Variants in MEGF8 observed in about 807,000 individuals in gnomAD.
MEGF8 encodes multiple EGF like domains 8.
A neutral mutation model predicts 302.9 loss-of-function variants in MEGF8; 156 were observed. That is an observed-to-expected ratio of 0.52 (90% CI 0.45 to 0.59). The LOEUF (loss-of-function observed/expected upper bound fraction) is 0.59. MEGF8 is among the 20% of genes least tolerant of loss of function. The probability of loss-of-function intolerance (pLI) is 0.00; values close to 1 mark genes in which losing one functional copy is unlikely to be tolerated. For missense variants in MEGF8, 3,345 were observed against 3,964.5 expected (o/e 0.84, Z 4.20); for synonymous variants, 1,621 against 1,660.5 (o/e 0.98, Z 0.58).
intron 8 of MEGF8, among the ~76,000 whole-genome samples, chr19:42,339,822 G>T (rs542452374): frequency 6.6e-6 from 1 of 152,176 alleles, no homozygotes; most frequent in African/African-American, 2.4e-5. Flanking sequence ...ACTTTAGGAC[G>T]CCATGGCGGG....
At position 42,351,047 on chromosome 19, in the gene MEGF8, C is replaced by T; in HGVS notation, c.2737-169C>T. The stretch of plus-strand genomic sequence containing the variant: ...GACAGTGGGTGCTGGGCGGGCCGAC[C>T]CATGGGTGTCTGTGGTCGAAGGGAG... On this transcript the variant is annotated intron_variant, in intron 15 of 41. Transcript: ENST00000251268. The surrounding 1 kb of genome is among the most constrained non-coding windows in gnomAD (Gnocchi z 5.6). 1 of 646,468 alleles carries T rather than the reference C, an allele frequency of 1.5e-6. No homozygotes were observed. The highest frequency in any genetic ancestry group is 2.7e-6 in the Non-Finnish European group (1 of 367,764). The allele number at this position is 646,468 out of a possible 1,614,324, so 40.0% of individuals were successfully genotyped here. A position where few individuals can be genotyped will look rare whatever the true frequency, so the allele number is the denominator to read the frequency against.
chr19:42,335,886 T>G, intron 5 of MEGF8, 45 bp from the exon 6 acceptor site: 1 of 1,432,170 alleles, frequency 7.0e-7, no homozygotes, highest in Non-Finnish European at 9.1e-7. Context: ...TGGCTCTGGC[T>G]CTCTTGCTGT....
chr19:42,353,467 T>A lies in MEGF8; in HGVS notation c.3553T>A (p.Trp1185Arg). 1 of 1,610,352 alleles carries A rather than the reference T, an allele frequency of 6.2e-7. No individual in the cohort carries two copies. The highest frequency in any genetic ancestry group is 8.5e-7 in the Non-Finnish European group (1 of 1,179,406). ...CCCACCTGCTGGGGCCTCCACAGACTGGACATGGGGGGAGCACTGCGAACG... is the reference window on the plus strand; with the variant it reads ...CCCACCTGCTGGGGCCTCCACAGACAGGACATGGGGGGAGCACTGCGAACG... ...GPGFCDECQD[W>R]TWGEHCERCR... Residue 1185 changes from tryptophan to arginine, a missense_variant and splice_region_variant, in exon 21 of 42, where the codon TGG becomes AGG. Coordinates refer to ENST00000251268, the MANE Select transcript of MEGF8 (RefSeq NM_001271938.2). The surrounding 1 kb of genome is among the most constrained non-coding windows in gnomAD (Gnocchi z 6.1).
In MEGF8 at chr19:42,354,903, G is replaced by A. The variant is rs1265514920; in HGVS notation, c.4144+183G>A. Among the ~76,000 whole-genome samples the A allele has an allele frequency of 6.6e-6, 1 of 152,188 alleles. No homozygotes were observed. The highest frequency in any genetic ancestry group is 1.5e-5 in the Non-Finnish European group (1 of 68,038). The stretch of plus-strand genomic sequence containing the variant: ...AGGAAAATAGGATTGCGCCGGCTGA[G>A]CTACGTCTGCAGAGAGAAGGGCTGA... On this transcript the variant is annotated intron_variant, in intron 23 of 41. Coordinates refer to ENST00000251268, the MANE Select transcript of MEGF8 (RefSeq NM_001271938.2). The surrounding 1 kb of genome is among the most constrained non-coding windows in gnomAD (Gnocchi z 4.3).
chr19:42,356,808 C>T lies in MEGF8; in HGVS notation c.4657C>T (p.Leu1553=), dbSNP rs1165108096. Residue 1553 remains leucine (L), a synonymous_variant, in exon 27 of 42, where the codon CTG becomes TTG. Transcript: ENST00000251268. This position sits in a 1 kb window ranked among gnomAD's most constrained non-coding sequence, Gnocchi z 5.2. ...GAGTGAGCGGCGGTGGACACAGATG[C>T]TGGCGGGAGCCGAGGACGGGGGCCC... is the stretch of plus-strand genomic sequence containing the variant. The part of the protein sequence containing the change: ...SVSERRWTQM[L]AGAEDGGPGP... 1 of 1,555,242 alleles carries T rather than the reference C, an allele frequency of 6.4e-7. No individual in the cohort carries two copies. The highest frequency in any genetic ancestry group is 1.2e-5 in the South Asian group (1 of 84,450).
Position 42,368,679 on chromosome 19 carries a change from C to A in MEGF8, c.6481+17C>A. ...CCCGTGATGGTGAGAGGGCTTTGGG[C>A]ACTGGGGGAGAGGGGCTGGCCCTTG... is the stretch of plus-strand genomic sequence containing the variant. On this transcript the variant is annotated intron_variant, in intron 36 of 41. Transcript: ENST00000251268. This position sits in a 1 kb window ranked among gnomAD's most constrained non-coding sequence, Gnocchi z 4.9. 6.5e-7 allele frequency: 1 copy of A among 1,533,422 alleles called. No homozygotes were observed. The highest frequency in any genetic ancestry group is 8.8e-7 in the Non-Finnish European group (1 of 1,140,760). The allele number at this position is 1,533,422 out of a possible 1,614,324, so 95.0% of individuals were successfully genotyped here. A position where few individuals can be genotyped will look rare whatever the true frequency, so the allele number is the denominator to read the frequency against.
chr19:42,375,989 G>T lies in MEGF8; in HGVS notation c.7752G>T (p.Ser2584=). Residue 2584 remains serine (S), a synonymous_variant, in exon 42 of 42, where the codon TCG becomes TCT. Transcript: ENST00000251268. This position sits in a 1 kb window ranked among gnomAD's most constrained non-coding sequence, Gnocchi z 7.1. Reference sequence around the variant, plus strand: ...CCTACGTGACGGTGACGGAGCCGTCGGCAGTGCTGGTGGTCCGCGGCGTGC... The same window carrying T: ...CCTACGTGACGGTGACGGAGCCGTCTGCAGTGCTGGTGGTCCGCGGCGTGC... ...LITYVTVTEP[S]AVLVVRGVRD... 6.2e-7 allele frequency: 1 copy of T among 1,607,034 alleles called. No individual in the cohort carries two copies.
intron 31 of MEGF8, among the ~76,000 whole-genome samples, chr19:42,360,557 C>A (rs531971543): frequency 1.3e-5 from 2 of 152,124 alleles, no homozygotes; most frequent in African/African-American, 4.8e-5. Context: ...GTTGCCCAGG[C>A]TGGTCTTAAA....
At position 42,351,966 on chromosome 19, in the gene MEGF8, T is replaced by G. The variant is rs2039381152; in HGVS notation, c.3101+205T>G. Among the ~76,000 whole-genome samples, 1 of 152,208 alleles carries G rather than the reference T, an allele frequency of 6.6e-6. No homozygotes were observed. The highest frequency in any genetic ancestry group is 2.1e-4 in the South Asian group (1 of 4,828). On this transcript the variant is annotated intron_variant, in intron 18 of 41. Transcript: ENST00000251268. This position sits in a 1 kb window ranked among gnomAD's most constrained non-coding sequence, Gnocchi z 5.6. Reference sequence around the variant, plus strand: ...CTTTTCCGGCTCTCTGCGATTCGTTTTCTTTCTCCTTGTCTGTTTCTGTCT... The same window carrying G: ...CTTTTCCGGCTCTCTGCGATTCGTTGTCTTTCTCCTTGTCTGTTTCTGTCT...
intron 8 of MEGF8, among the ~76,000 whole-genome samples, chr19:42,342,553 T>A (rs1279945993): frequency 6.6e-6 from 1 of 151,216 alleles, no homozygotes; most frequent in Non-Finnish European, 1.5e-5. Flanking sequence ...AGGAGAATGG[T>A]GTGAACCCGG....
rs1334497705 is a variant in MEGF8, at chr19:42,351,134, G to A, written c.2737-82G>A. On this transcript the variant is annotated intron_variant, in intron 15 of 41. Coordinates refer to ENST00000251268, the MANE Select transcript of MEGF8 (RefSeq NM_001271938.2). This position sits in a 1 kb window ranked among gnomAD's most constrained non-coding sequence, Gnocchi z 5.6. The stretch of plus-strand genomic sequence containing the variant: ...CCTTACAGGGACAGTCTGCAGGGTG[G>A]GGCAGGGGGTGGGATGGGCACTGGG... The A allele has an allele frequency of 8.2e-7, 1 of 1,215,094 alleles. No individual in the cohort carries two copies. The highest frequency in any genetic ancestry group is 2.2e-5 in the Admixed American group (1 of 44,542). 75.3% of individuals were successfully genotyped at this position (1,215,094 alleles called of 1,614,324 possible). A position where few individuals can be genotyped will look rare whatever the true frequency, so the allele number is the denominator to read the frequency against.
intron 15 of MEGF8, among the ~76,000 whole-genome samples, chr19:42,350,738 C>G (rs2039356663): frequency 6.6e-6 from 1 of 152,160 alleles, no homozygotes; most frequent in Non-Finnish European, 1.5e-5. Flanking sequence ...GGTTTGTTTC[C>G]TTGTGAGTGG....
At position 42,357,770 on chromosome 19, in the gene MEGF8, A is replaced by T. The variant is rs2039473501; in HGVS notation, c.5011+186A>T. On this transcript the variant is annotated intron_variant, in intron 28 of 41. Coordinates refer to ENST00000251268, the MANE Select transcript of MEGF8 (RefSeq NM_001271938.2). The surrounding 1 kb of genome is among the most constrained non-coding windows in gnomAD (Gnocchi z 5.2). ...TCTGACTGTCCTTCCCAGACTCCAC[A>T]ACTAACTGCCCACTCCCGGCCACAT... 6.6e-6 allele frequency among the ~76,000 whole-genome samples: 1 copy of T among 151,968 alleles called. No individual in the cohort carries two copies. The highest frequency in any genetic ancestry group is 2.1e-4 in the South Asian group (1 of 4,806).
chr19:42,371,000 G>T (rs912319592), intron 40 of MEGF8, among the ~76,000 whole-genome samples, 169 bp downstream of exon 40: 2 of 151,564 alleles, frequency 1.3e-5, no homozygotes, highest in Non-Finnish European at 2.9e-5. Flanking sequence ...GGGTAGGGAA[G>T]GAGCTGGAAT....
intron 12 of MEGF8, among the ~76,000 whole-genome samples, chr19:42,345,355 A>G (rs1345102240): frequency 2.6e-5 from 4 of 152,218 alleles, no homozygotes; most frequent in Non-Finnish European, 4.4e-5. Context: ...CACATTTACA[A>G]TATTGTGCAA....
chr19:42,353,872 C>A lies in MEGF8; in HGVS notation c.3859C>A (p.Pro1287Thr). 1 of 1,600,868 alleles carries A rather than the reference C, an allele frequency of 6.2e-7. No individual in the cohort carries two copies. The change falls in exon 22 of 42, where the codon CCT becomes ACT. Residue 1287 changes from proline (P) to threonine (T), a missense_variant. Physicochemically the swap from Pro to Thr is conservative, Grantham distance 38. Transcript: ENST00000251268. The surrounding 1 kb of genome is among the most constrained non-coding windows in gnomAD (Gnocchi z 6.1). The stretch of plus-strand genomic sequence containing the variant: ...CTCACGCCGGGTCGGGGGGCTGCTG[C>A]CTCCAGGTGGCGGGGCTGCAAGAGC... ...LGSRRVGGLL[P>T]PGGGAARAGP...
chr19:42,364,146 G>A (rs1001237094), intron 35 of MEGF8, among the ~76,000 whole-genome samples: 1 of 152,106 alleles, frequency 6.6e-6, no homozygotes, highest in Non-Finnish European at 1.5e-5. Context: ...AGGTGGGTGT[G>A]GCCTAGGCAG....
chr19:42,332,517 G>A (rs527841864), intron 1 of MEGF8, among the ~76,000 whole-genome samples: 5 of 152,212 alleles, frequency 3.3e-5, no homozygotes, highest in East Asian at 3.9e-4. Context: ...ACAGGCACCC[G>A]CCACCATGCC....
rs1447869448 is a variant in MEGF8, at chr19:42,336,864, G to A, written c.1302G>A (p.Thr434=). Residue 434 remains threonine (T), a synonymous_variant, in exon 7 of 42, where the codon ACG becomes ACA. Coordinates refer to ENST00000251268, the MANE Select transcript of MEGF8 (RefSeq NM_001271938.2). The surrounding 1 kb of genome is among the most constrained non-coding windows in gnomAD (Gnocchi z 4.8). ...TCCACGTGGATCGGCATGTGTGGAC[G>A]ACGCTGAAGGGGCGGGATGGGCTTC... ...ELFHVDRHVW[T]TLKGRDGLQG... The A allele has an allele frequency of 4.3e-6, 7 of 1,612,132 alleles. No individual in the cohort carries two copies. The highest frequency in any genetic ancestry group is 1.6e-4 in the Middle Eastern group (1 of 6,074).
Sources: gnomAD v4.1 joint callset for allele counts (sites outside exome capture counted in the v4.1 genomes callset) on GRCh38, gnomAD v4.1.1 for gene constraint, Gnocchi (gnomAD v3.1) non-coding constraint, MANE v1.5 for transcripts, NCBI Gene and HGNC (gene_info 2026-07-23, HGNC 2026-07-21) for gene names.